The following ARHGAP32 variants were observed in gnomAD, a reference collection of about 807,000 sequenced individuals.
ARHGAP32 encodes rho GTPase-activating protein 32.
A neutral mutation model predicts 186.5 loss-of-function variants in ARHGAP32; 51 were observed. That is an observed-to-expected ratio of 0.27 (90% confidence interval 0.22 to 0.35). ARHGAP32 has a LOEUF of 0.35. ARHGAP32 is among the 10% of genes least tolerant of loss of function. ARHGAP32 has a pLI of 1.00. For synonymous variants in ARHGAP32, 950 were observed against 964.3 expected, an observed-to-expected ratio of 0.99 and a Z score of 0.27; for missense variants, 2,186 against 2,623.5, an observed-to-expected ratio of 0.83 and a Z score of 3.64.
intron 1 of ARHGAP32, among the ~76,000 whole-genome samples, chr11:129,232,023 CAAAAAAA>C (rs71057935): frequency 2.8e-3 from 179 of 64,540 alleles, no homozygotes; most frequent in African/African-American, 9.9e-3. Context: ...GAGACGGACT[CAAAAAAA>C]AAAAAAAAAA....
At chr11:129,144,880 C>T (rs553692608) in intron 2 of ARHGAP32, among the ~76,000 whole-genome samples, 36 of 152,194 alleles carry the variant, frequency 2.4e-4, no homozygotes, top group African/African-American at 8.4e-4. Context: ...AAAAATTATT[C>T]GGAGGCGATA....
chr11:129,164,790 T>A (rs2135488973), intron 1 of ARHGAP32, among the ~76,000 whole-genome samples: 1 of 152,342 alleles, frequency 6.6e-6, no homozygotes, highest in East Asian at 1.9e-4. Flanking sequence ...TAAGCATTAG[T>A]ATCATTTCAG....
chr11:129,172,990 GAA>G (rs138385970), intron 1 of ARHGAP32, among the ~76,000 whole-genome samples: 86 of 126,174 alleles, frequency 6.8e-4, no homozygotes, highest in Middle Eastern at 8.1e-3. Context: ...CCTCCAAAAA[GAA>G]AAAAAAAAAA....
At chr11:129,248,873 T>C (rs956295125) in intron 1 of ARHGAP32, among the ~76,000 whole-genome samples, 2 of 152,320 alleles carry the variant, frequency 1.3e-5, no homozygotes, top group East Asian at 1.9e-4. Context: ...TGTGTGCCTA[T>C]TGTGTCCCAG....
chr11:129,100,056 T>A (rs545596158), intron 5 of ARHGAP32, among the ~76,000 whole-genome samples: 1 of 152,160 alleles, frequency 6.6e-6, no homozygotes, highest in Non-Finnish European at 1.5e-5. Context: ...GAGACCCCCC[T>A]TTGACCACCA....
intron 2 of ARHGAP32, among the ~76,000 whole-genome samples, chr11:129,146,141 A>T (rs1943163146): frequency 6.6e-6 from 1 of 152,182 alleles, no homozygotes; most frequent in Non-Finnish European, 1.5e-5. Flanking sequence ...CACAGGAATA[A>T]AAGAGCTAAG....
rs190573383 is a variant in ARHGAP32 at position 129,006,177 on chromosome 11, C to T, written c.1046-7709G>A. 9.9e-5 allele frequency among the ~76,000 whole-genome samples: 15 copies of T among 152,198 alleles called. No homozygotes were observed. In the East Asian group the frequency reaches 1.5e-3, roughly 16 times the overall value. ...TTGAGTTTCCTCAAAATGGCTATTT[C>T]GAAGTCTCTGTCTGAAAGGTCACAC... On this transcript the variant is annotated intron_variant, in intron 11 of 22. Transcript: ENST00000682385.
chr11:129,236,475 TTGTC>T (rs1373369750), intron 1 of ARHGAP32, among the ~76,000 whole-genome samples: 1 of 152,278 alleles, frequency 6.6e-6, no homozygotes, highest in South Asian at 2.1e-4. Flanking sequence ...TATTAGTCCT[TTGTC>T]TGATGTACAG....
intron 1 of ARHGAP32, among the ~76,000 whole-genome samples, chr11:129,248,065 C>G (rs994911642): frequency 2.6e-5 from 4 of 152,070 alleles, no homozygotes; most frequent in Admixed American, 1.3e-4. Flanking sequence ...GTAATCCCAG[C>G]ACTTTGGGAG....
At chr11:129,006,313 C>T (rs1355175747) in intron 11 of ARHGAP32, among the ~76,000 whole-genome samples, 4 of 152,120 alleles carry the variant, frequency 2.6e-5, no homozygotes. Flanking sequence ...ATTGAAGAGT[C>T]AGGTATTTAT....
intron 5 of ARHGAP32, among the ~76,000 whole-genome samples, chr11:129,121,892 C>CT (rs1486565423): frequency 1.3e-5 from 2 of 152,036 alleles, no homozygotes; most frequent in Non-Finnish European, 2.9e-5. Context: ...GAGCCAAACG[C>CT]AGCTGAATAA....
At chr11:129,056,969 G>C (rs1940277325) in intron 10 of ARHGAP32, among the ~76,000 whole-genome samples, 1 of 152,048 alleles carries the variant, frequency 6.6e-6, no homozygotes, top group African/African-American at 2.4e-5. Flanking sequence ...ACCAAGACGA[G>C]GCCCTCGTTT....
At chr11:129,172,661 C>A (rs545388224) in intron 1 of ARHGAP32, among the ~76,000 whole-genome samples, 1 of 152,262 alleles carries the variant, frequency 6.6e-6, no homozygotes, top group East Asian at 1.9e-4. Flanking sequence ...CACACAATTT[C>A]ATGGAAATTG....
At chr11:129,225,573 G>GAATT (rs34792588) in intron 1 of ARHGAP32, among the ~76,000 whole-genome samples, 30,234 of 151,990 alleles carry the variant, frequency 0.2, 3,146 homozygotes, top group Non-Finnish European at 0.23. Flanking sequence ...AAACTTTACA[G>GAATT]ATTACAGAAA....
At chr11:129,248,393 T>G (rs1945133081) in intron 1 of ARHGAP32, among the ~76,000 whole-genome samples, 1 of 152,178 alleles carries the variant, frequency 6.6e-6, no homozygotes, top group Non-Finnish European at 1.5e-5. Context: ...ATTTATGTCT[T>G]GGCTCCCGTT....
At chr11:129,219,537 A>G (rs916243961) in intron 1 of ARHGAP32, among the ~76,000 whole-genome samples, 2 of 152,160 alleles carry the variant, frequency 1.3e-5, no homozygotes, top group Non-Finnish European at 2.9e-5. Context: ...AGCACACAAG[A>G]GTAGAGAACT....
chr11:129,174,233 C>T lies in ARHGAP32; in HGVS notation c.117-9806G>A, dbSNP rs147157280. Among the ~76,000 whole-genome samples the T allele has an allele frequency of 5.4e-4, 83 of 152,326 alleles. 1 individual carries two copies. In the East Asian group the frequency reaches 0.014, roughly 26 times the overall value. On this transcript the variant is annotated intron_variant, in intron 1 of 22. Transcript: ENST00000682385. ...CCACCCAAATACTGCGCTTTTCCGA[C>T]GGGCCTAAAAAATGGCGCACCAGGA...
chr11:129,149,131 C>T (rs2135447942), intron 2 of ARHGAP32, among the ~76,000 whole-genome samples: 1 of 152,342 alleles, frequency 6.6e-6, no homozygotes, highest in East Asian at 1.9e-4. Flanking sequence ...CCCCCTACTA[C>T]TACTATAGCT....
At chr11:129,167,688 T>TA (rs968864745) in intron 1 of ARHGAP32, among the ~76,000 whole-genome samples, 1 of 152,158 alleles carries the variant, frequency 6.6e-6, no homozygotes, top group Non-Finnish European at 1.5e-5. Context: ...AGACAAAAAT[T>TA]ATATTAGTTG....
Sources: allele counts gnomAD v4.1 joint callset (sites outside exome capture counted in the v4.1 genomes callset), GRCh38; gene constraint gnomAD v4.1.1; transcripts MANE v1.5; gene names NCBI Gene and HGNC (gene_info 2026-07-23, HGNC 2026-07-21).